Variants in GTF3C1 observed in about 807,000 individuals in gnomAD.
GTF3C1 encodes the protein general transcription factor IIIC subunit 1, also known as general transcription factor 3C polypeptide 1.
A neutral mutation model predicts 226.7 loss-of-function variants in GTF3C1; 57 were observed. That is an observed-to-expected ratio of 0.25 (90% CI 0.20 to 0.31). The LOEUF (loss-of-function observed/expected upper bound fraction) is 0.31. Among genes scored for constraint, GTF3C1 ranks in the 10% least tolerant of loss-of-function variants. The pLI is 1.00. For synonymous variants in GTF3C1, 1,090 were observed against 1,084.8 expected, an observed-to-expected ratio of 1.00 and a Z score of -0.09; for missense variants, 2,217 against 2,776.1, an observed-to-expected ratio of 0.80 and a Z score of 4.53.
chr16:27,542,422 A>T (rs773506759), intron 2 of GTF3C1, among the ~76,000 whole-genome samples: 22 of 152,132 alleles, frequency 1.4e-4, no homozygotes, highest in Non-Finnish European at 1.3e-4. Flanking sequence ...TTAGCCGGGC[A>T]TGGTAGCAGG....
chr16:27,548,405 T>C (rs1358611541), intron 1 of GTF3C1, among the ~76,000 whole-genome samples: 1 of 152,156 alleles, frequency 6.6e-6, no homozygotes, highest in East Asian at 1.9e-4. Context: ...GTAGCTGGGA[T>C]ACAGGCATGC....
rs1474556734 is a variant in GTF3C1, at chr16:27,471,841, T to C, written c.4433A>G (p.Asn1478Ser). Residue 1478 changes from asparagine (N) to serine (S), a missense_variant, in exon 30 of 37, where the codon AAC (asparagine) becomes AGC (serine). Asn to Ser is a conservative substitution (Grantham distance 46, BLOSUM62 1). Coordinates refer to ENST00000356183, the MANE Select transcript of GTF3C1 (RefSeq NM_001520.4). This position sits in a 1 kb window ranked among gnomAD's most constrained non-coding sequence, Gnocchi z 5.0. ...CAGCGTGTGGTTGACCCGGCGCCGG[T>C]TGACCAAGCTCCTCTTCTGGCACTC... Reference protein sequence around the residue: ...FMECQKRSLVNRRRVNHTLGP... With the variant: ...FMECQKRSLVSRRRVNHTLGP... The C allele has an allele frequency of 5.0e-6, 8 of 1,614,042 alleles. No individual in the cohort carries two copies. The highest frequency in any genetic ancestry group is 2.2e-5 in the South Asian group (2 of 91,078).
At chr16:27,536,110 C>T (rs573994527) in intron 4 of GTF3C1, among the ~76,000 whole-genome samples, 1 of 152,210 alleles carries the variant, frequency 6.6e-6, no homozygotes, top group Non-Finnish European at 1.5e-5. Context: ...CTTATGGTAT[C>T]AATAAATACA....
chr16:27,461,423 G>A lies in GTF3C1; in HGVS notation c.6257C>T (p.Thr2086Ile). Residue 2086 changes from threonine to isoleucine, a missense_variant, in exon 37 of 37, where the codon ACC becomes ATC. This residue lies in a region of GTF3C1 where 153 missense variants were observed against 199.8 expected (regional missense o/e 0.77). Coordinates refer to ENST00000356183, the MANE Select transcript of GTF3C1 (RefSeq NM_001520.4). This position sits in a 1 kb window ranked among gnomAD's most constrained non-coding sequence, Gnocchi z 5.3. ...DESPMAFYEP[T>I]LDCTLRLGRV... The stretch of plus-strand genomic sequence containing the variant: ...GCCCAGCCGGAGGGTACAGTCCAAG[G>A]TGGGCTCATAGAAAGCCATGGGGCT... 1 of 1,614,036 alleles carries A rather than the reference G, an allele frequency of 6.2e-7. No homozygotes were observed. The highest frequency in any genetic ancestry group is 8.5e-7 in the Non-Finnish European group (1 of 1,179,920).
Position 27,471,905 on chromosome 16 carries a change from G to T in GTF3C1, c.4369C>A (p.Arg1457=). The T allele has an allele frequency of 6.2e-7, 1 of 1,614,068 alleles. No individual in the cohort carries two copies. The highest frequency in any genetic ancestry group is 8.5e-7 in the Non-Finnish European group (1 of 1,179,984). Residue 1457 remains arginine, a synonymous_variant, in exon 30 of 37, where the codon CGG becomes AGG. Transcript: ENST00000356183. This position sits in a 1 kb window ranked among gnomAD's most constrained non-coding sequence, Gnocchi z 5.0. The part of the protein sequence containing the change: ...YQSFQTFRLY[R]EYKDHVLVKA... ...ACAAGAACGTGGTCCTTGTACTCCCGATAGAGGCGGAAAGTCTGCAACACA... is the reference window on the plus strand; with the variant it reads ...ACAAGAACGTGGTCCTTGTACTCCCTATAGAGGCGGAAAGTCTGCAACACA...
At position 27,506,446 on chromosome 16, in the gene GTF3C1, C is replaced by T. The variant is rs138083155; in HGVS notation, c.1553-330G>A. On this transcript the variant is annotated intron_variant, in intron 9 of 36. Transcript: ENST00000356183. ...CCCTAAGCTGGACATTTAACGATGT[C>T]CCCAGGGGGCTCAGAGCTGGGTACC... Among the ~76,000 whole-genome samples the T allele has an allele frequency of 6.7e-3, 1,018 of 152,232 alleles. 8 individuals are homozygous for T. Among genetic ancestry groups the T allele is most frequent in the Admixed American group, 0.014 (216 of 15,300 alleles).
At chr16:27,510,921 G>T (rs1407776031) in intron 7 of GTF3C1, among the ~76,000 whole-genome samples, 1 of 152,212 alleles carries the variant, frequency 6.6e-6, no homozygotes, top group Admixed American at 6.5e-5. Context: ...AATAATAATA[G>T]TAATAGCTTT....
At chr16:27,511,637 C>G in intron 7 of GTF3C1, 112 bp downstream of exon 7, 2 of 1,156,000 alleles carry the variant, frequency 1.7e-6, no homozygotes, top group African/African-American at 1.5e-5. Context: ...CAAGGCACTT[C>G]CCATTGTATT....
At chr16:27,549,340 C>T (rs1161264329) in intron 1 of GTF3C1, among the ~76,000 whole-genome samples, 1 of 152,118 alleles carries the variant, frequency 6.6e-6, no homozygotes, top group African/African-American at 2.4e-5. Context: ...AAGTGTCTTT[C>T]CTGCTCTAAT....
rs886676563 is a variant in GTF3C1, at chr16:27,469,944, G to C, written c.4814+164C>G. 6.6e-6 allele frequency among the ~76,000 whole-genome samples: 1 copy of C among 152,086 alleles called. No homozygotes were observed. The highest frequency in any genetic ancestry group is 2.4e-5 in the African/African-American group (1 of 41,408). On this transcript the variant is annotated intron_variant, in intron 31 of 36. Transcript: ENST00000356183. This position sits in a 1 kb window ranked among gnomAD's most constrained non-coding sequence, Gnocchi z 4.5. ...GGCTGATTCCCATAACACCTGGGAGGCACCAGCAGAGGACACCTTAGACAC... is the reference window on the plus strand; with the variant it reads ...GGCTGATTCCCATAACACCTGGGAGCCACCAGCAGAGGACACCTTAGACAC...
intron 23 of GTF3C1, among the ~76,000 whole-genome samples, chr16:27,487,329 C>T (rs1168708786): frequency 3.3e-5 from 5 of 152,200 alleles, no homozygotes; most frequent in Non-Finnish European, 7.3e-5. Flanking sequence ...GAAATAGCTA[C>T]CAGCCGTCAG....
At chr16:27,481,952 T>G (rs1405200524) in intron 26 of GTF3C1, among the ~76,000 whole-genome samples, 3 of 152,196 alleles carry the variant, frequency 2.0e-5, no homozygotes, top group Non-Finnish European at 4.4e-5. Context: ...CAGTCTCAAT[T>G]TGCTGTGGGG....
intron 29 of GTF3C1, among the ~76,000 whole-genome samples, chr16:27,475,698 T>C (rs77099349): frequency 0.01 from 1,599 of 152,300 alleles, 45 homozygotes; most frequent in African/African-American, 0.036. Context: ...CTCACTCTCA[T>C]GTTCTTTCAG....
chr16:27,464,358 C>T lies in GTF3C1; in HGVS notation c.5834G>A (p.Gly1945Asp). Reference protein sequence around the residue: ...FSSPGQEQLSGQAQPPEGSED... With the variant: ...FSSPGQEQLSDQAQPPEGSED... The stretch of plus-strand genomic sequence containing the variant: ...AGAGCCCTCTGGAGGCTGCGCCTGG[C>T]CGCTCAGCTGCTCTTGGCCTGGGGA... The change falls in exon 34 of 37, where the codon GGC becomes GAC. Residue 1945 changes from glycine to aspartate, a missense_variant. Gly to Asp is a moderately conservative substitution (Grantham distance 94). This residue lies in a region of GTF3C1 where 455 missense variants were observed against 441.9 expected (regional missense o/e 1.03). Transcript: ENST00000356183. The T allele has an allele frequency of 6.4e-6, 10 of 1,551,572 alleles. No homozygotes were observed. The highest frequency in any genetic ancestry group is 7.8e-6 in the Non-Finnish European group (9 of 1,153,032).
intron 6 of GTF3C1, among the ~76,000 whole-genome samples, chr16:27,512,481 G>T (rs2088588744): frequency 6.6e-6 from 1 of 152,144 alleles, no homozygotes; most frequent in Non-Finnish European, 1.5e-5. Context: ...AAGCCTATCA[G>T]TACTAATAGA....
At chr16:27,534,589 C>T (rs1473270202) in intron 4 of GTF3C1, among the ~76,000 whole-genome samples, 2 of 152,224 alleles carry the variant, frequency 1.3e-5, no homozygotes, top group Non-Finnish European at 2.9e-5. Context: ...AAGTGACTGC[C>T]CAAGTGAGGG....
At chr16:27,526,007 C>G (rs1424485158) in intron 6 of GTF3C1, among the ~76,000 whole-genome samples, 4 of 152,082 alleles carry the variant, frequency 2.6e-5, no homozygotes, top group Non-Finnish European at 5.9e-5. Flanking sequence ...TGCCCAAAGC[C>G]CTGTGTTTTG....
At chr16:27,488,466 C>A in intron 22 of GTF3C1, 51 bp from the exon 23 acceptor site, 1 of 1,558,346 alleles carries the variant, frequency 6.4e-7, no homozygotes, top group Non-Finnish European at 8.9e-7. Context: ...CTGCAAAGGC[C>A]AGGAAGACCA....
intron 24 of GTF3C1, among the ~76,000 whole-genome samples, chr16:27,485,766 G>A (rs1416292507): frequency 6.6e-6 from 1 of 152,274 alleles, no homozygotes; most frequent in Non-Finnish European, 1.5e-5. Flanking sequence ...TTGAGGCCAG[G>A]TTGAGGATGC....
Sources: allele counts gnomAD v4.1 joint callset (sites outside exome capture counted in the v4.1 genomes callset), GRCh38; gene constraint gnomAD v4.1.1; regional missense constraint gnomAD v4.1.1; non-coding constraint Gnocchi (gnomAD v3.1); transcripts MANE v1.5; gene names NCBI Gene and HGNC (gene_info 2026-07-23, HGNC 2026-07-21).